Variants in THOC7 observed in about 807,000 individuals in gnomAD.
THOC7 encodes NIF3L1-binding protein 1.
A neutral mutation model predicts 33.1 loss-of-function variants in THOC7; 22 were observed. That is an observed-to-expected ratio of 0.66 (90% CI 0.47 to 0.95). The LOEUF (loss-of-function observed/expected upper bound fraction) is 0.95. Among genes scored for constraint, THOC7 ranks in the 40% least tolerant of loss-of-function variants. THOC7 has a pLI of 0.00. For missense variants in THOC7, 184 were observed against 245.3 expected (o/e 0.75, Z 1.67); for synonymous variants, 77 against 76.8 (o/e 1.00, Z -0.01).
intron 4 of THOC7, among the ~76,000 whole-genome samples, chr3:63,837,379 A>G (rs1701657748): frequency 1.3e-5 from 2 of 152,008 alleles, no homozygotes; most frequent in Non-Finnish European, 2.9e-5. Context: ...TTATAAGAAG[A>G]GCAGTGCCTC....
rs552276918 is a variant in THOC7, at chr3:63,843,035, G to T, written c.20-3262C>A. 7.9e-5 allele frequency among the ~76,000 whole-genome samples: 12 copies of T among 151,612 alleles called. 1 individual carries two copies. In the South Asian group the frequency reaches 2.5e-3, roughly 32 times the overall value. On this transcript the variant is annotated intron_variant, in intron 1 of 7. Transcript: ENST00000295899. ...ACTACTGAACTCAAGTGATCCACATGCCTCAACCTCCCAAGTGCTGGAATT... is the reference window on the plus strand; with the variant it reads ...ACTACTGAACTCAAGTGATCCACATTCCTCAACCTCCCAAGTGCTGGAATT...
intron 1 of THOC7, chr3:63,845,069 G>A: frequency 2.9e-6 from 2 of 699,164 alleles, no homozygotes; most frequent in South Asian, 3.0e-5. Flanking sequence ...ACTCCTTGAG[G>A]AACACAGGAA....
chr3:63,839,143 T>C (rs1701700393), intron 2 of THOC7, among the ~76,000 whole-genome samples: 3 of 152,096 alleles, frequency 2.0e-5, no homozygotes, highest in Admixed American at 2.0e-4. Context: ...TGAGCCAAGA[T>C]TGTGCCATTG....
chr3:63,861,823 C>G (rs1702223975), intron 1 of THOC7: 1 of 150,410 alleles, frequency 6.6e-6, no homozygotes, highest in African/African-American at 2.5e-5. Flanking sequence ...GACACGGTCT[C>G]ACTCTGTCAC....
rs1360022206 is a variant in THOC7, at chr3:63,834,177, T to C, written c.570A>G (p.Val190=). 3 of 1,614,110 alleles carry C rather than the reference T, an allele frequency of 1.9e-6. No homozygotes were observed. The highest frequency in any genetic ancestry group is 3.3e-5 in the Admixed American group (2 of 60,028). ...TLENDEKLSE[V]EEAQEASMET... ...CCATGCTTGCTTCCTGAGCTTCTTC[T>C]ACCTCTGAGAGTTTTTCATCATCTG... Residue 190 remains valine, a synonymous_variant, in exon 8 of 8, where the codon GTA becomes GTG. Transcript: ENST00000295899.
chr3:63,861,158 T>C (rs949094559), intron 1 of THOC7, among the ~76,000 whole-genome samples: 2 of 152,212 alleles, frequency 1.3e-5, no homozygotes, highest in South Asian at 4.1e-4. Context: ...ATTTTATTAT[T>C]ATCTCCGTTC....
intron 1 of THOC7, chr3:63,844,950 G>A: frequency 1.6e-6 from 1 of 608,640 alleles, no homozygotes; most frequent in Non-Finnish European, 3.0e-6. Context: ...AGCGGCAAGT[G>A]TTGCCCAAGT....
At chr3:63,843,187 C>T (rs372152648) in intron 1 of THOC7, among the ~76,000 whole-genome samples, 3 of 152,070 alleles carry the variant, frequency 2.0e-5, no homozygotes, top group Admixed American at 2.0e-4. Flanking sequence ...GGCATGATCT[C>T]GGCTTACTGC....
chr3:63,856,998 G>A (rs1702128318), intron 1 of THOC7, among the ~76,000 whole-genome samples: 2 of 152,204 alleles, frequency 1.3e-5, no homozygotes, highest in South Asian at 2.1e-4. Context: ...GATTACAGGC[G>A]TGAGCCACCT....
intron 1 of THOC7, among the ~76,000 whole-genome samples, chr3:63,845,623 C>T (rs866125948): frequency 1.3e-5 from 2 of 152,006 alleles, no homozygotes; most frequent in Middle Eastern, 3.2e-3. Context: ...TTTTTTCTTA[C>T]ATGTTTAGAT....
At chr3:63,847,322 C>A (rs1401178467) in intron 1 of THOC7, among the ~76,000 whole-genome samples, 1 of 152,158 alleles carries the variant, frequency 6.6e-6, no homozygotes, top group Non-Finnish European at 1.5e-5. Context: ...CAGGTTTTAA[C>A]CATGGCCATT....
chr3:63,855,771 A>C (rs1471351009), intron 1 of THOC7, among the ~76,000 whole-genome samples: 1 of 152,210 alleles, frequency 6.6e-6, no homozygotes, highest in African/African-American at 2.4e-5. Context: ...GGAAGGCTGC[A>C]ATCTCACCTG....
At chr3:63,841,157 G>A (rs1701751413) in intron 1 of THOC7, among the ~76,000 whole-genome samples, 1 of 152,154 alleles carries the variant, frequency 6.6e-6, no homozygotes, top group Non-Finnish European at 1.5e-5. Flanking sequence ...AAACAAAACA[G>A]GTGTAGAAAA....
intron 1 of THOC7, among the ~76,000 whole-genome samples, chr3:63,851,296 C>G (rs901385392): frequency 1.3e-5 from 2 of 152,164 alleles, no homozygotes; most frequent in Non-Finnish European, 2.9e-5. Context: ...ACTAGAAACT[C>G]AGAATGATGG....
At chr3:63,863,156 C>T (rs1702269938) in intron 1 of THOC7, 2 of 152,770 alleles carry the variant, frequency 1.3e-5, no homozygotes, top group Non-Finnish European at 2.9e-5. Context: ...CCACAATCCA[C>T]TCGCAGTTCA....
intron 7 of THOC7, among the ~76,000 whole-genome samples, chr3:63,834,671 AG>A (rs1463390838): frequency 1.3e-5 from 2 of 151,770 alleles, no homozygotes; most frequent in Non-Finnish European, 2.9e-5. Flanking sequence ...AAAAAAAAAA[AG>A]AAAAGAAAAA....
chr3:63,838,316 G>T, intron 3 of THOC7, 56 bp downstream of exon 3: 1 of 1,227,936 alleles, frequency 8.1e-7, no homozygotes, highest in Non-Finnish European at 1.1e-6. Context: ...AGCAGGTATT[G>T]TTTCCTTTAG....
At chr3:63,859,313 G>A (rs1702165900) in intron 1 of THOC7, among the ~76,000 whole-genome samples, 1 of 152,156 alleles carries the variant, frequency 6.6e-6, no homozygotes, top group Non-Finnish European at 1.5e-5. Flanking sequence ...TGCCCACAAA[G>A]GACAATTCAG....
Position 63,833,910 on chromosome 3 carries a change from C to T in THOC7, c.*222G>A. Reference sequence around the variant, plus strand: ...TTTTATTAAGCATTTTTGGATGTTGCTTCCTACCACTTAAGAATAAAAAAT... The same window carrying T: ...TTTTATTAAGCATTTTTGGATGTTGTTTCCTACCACTTAAGAATAAAAAAT... On this transcript the variant is annotated 3_prime_UTR_variant, in exon 8 of 8. Transcript: ENST00000295899. 2.2e-6 allele frequency: 1 copy of T among 451,468 alleles called. No individual in the cohort carries two copies. The highest frequency in any genetic ancestry group is 3.9e-6 in the Non-Finnish European group (1 of 256,986). The allele number at this position is 451,468 out of a possible 1,614,324, so 28.0% of individuals were successfully genotyped here.
Sources: allele counts gnomAD v4.1 joint callset (sites outside exome capture counted in the v4.1 genomes callset), GRCh38; gene constraint gnomAD v4.1.1; transcripts MANE v1.5; gene names NCBI Gene and HGNC (gene_info 2026-07-23, HGNC 2026-07-21).